OTOG: variants seen among roughly 807,000 people sequenced by gnomAD.
OTOG encodes otogelin.
A neutral mutation model predicts 313.8 loss-of-function variants in OTOG; 296 were observed. The ratio of observed to expected loss-of-function variants is 0.94; its 90% CI spans 0.86 to 1.04. The LOEUF is 1.04. Ranked by LOEUF, OTOG falls within the 50% of genes least tolerant of loss-of-function variation. OTOG has a pLI of 0.00. For synonymous variants in OTOG, 1,533 were observed against 1,554.9 expected, an observed-to-expected ratio of 0.99 and a Z score of 0.33; for missense variants, 3,948 against 3,840.1, an observed-to-expected ratio of 1.03 and a Z score of -0.74.
At chr11:17,645,533 C>G in intron 54 of OTOG, 31 bp from the exon 55 acceptor site, 1 of 1,546,532 alleles carries the variant, frequency 6.5e-7, no homozygotes, top group Non-Finnish European at 8.7e-7. Context: ...CTGGTCTTGG[C>G]CACAGCTGCC....
At chr11:17,608,174 C>A in intron 33 of OTOG, 122 bp from the exon 34 acceptor site, 1 of 641,160 alleles carries the variant, frequency 1.6e-6, no homozygotes, top group East Asian at 3.2e-5. Context: ...GGTTTTTTCC[C>A]CATTTGCTTT....
intron 23 of OTOG, among the ~76,000 whole-genome samples, chr11:17,582,727 T>C (rs1029253406): frequency 1.3e-5 from 2 of 152,250 alleles, no homozygotes; most frequent in African/African-American, 4.8e-5. Flanking sequence ...GAGTAATTTT[T>C]CATATACTTA....
intron 32 of OTOG, among the ~76,000 whole-genome samples, chr11:17,604,316 C>T (rs903470502): frequency 6.6e-6 from 1 of 152,204 alleles, no homozygotes; most frequent in Non-Finnish European, 1.5e-5. Context: ...CCGGGCCAAC[C>T]CCGCCTTCTT....
chr11:17,578,144 C>T (rs758014016), intron 22 of OTOG: 10 of 786,462 alleles, frequency 1.3e-5, no homozygotes, highest in Admixed American at 4.1e-5. Flanking sequence ...GTATGGAGGA[C>T]GTGCAGAGAT....
At chr11:17,547,623 C>A in intron 1 of OTOG, 157 bp downstream of exon 1, 1 of 1,241,432 alleles carries the variant, frequency 8.1e-7, no homozygotes. Context: ...GGAGGAGGGA[C>A]CCCGAAGCCA....
intron 40 of OTOG, among the ~76,000 whole-genome samples, chr11:17,629,826 G>T (rs1179569791): frequency 6.6e-6 from 1 of 152,180 alleles, no homozygotes; most frequent in Admixed American, 6.5e-5. Context: ...TGCCCTAAAA[G>T]ATTGAATGTA....
intron 21 of OTOG, 21 bp from the exon 22 acceptor site, chr11:17,576,847 A>G (rs965920495): frequency 7.1e-6 from 11 of 1,550,010 alleles, no homozygotes; most frequent in African/African-American, 1.4e-5. Context: ...GGCTAACCCC[A>G]GGGCCCGTCT....
intron 5 of OTOG, 60 bp from the exon 6 acceptor site, chr11:17,553,298 AACCCACC>A: frequency 6.6e-7 from 1 of 1,509,154 alleles, no homozygotes; most frequent in Admixed American, 2.1e-5. Flanking sequence ...CCAGGGCTGG[AACCCACC>A]AGCCTCTGGC....
intron 17 of OTOG, among the ~76,000 whole-genome samples, chr11:17,571,393 G>GC (rs1020993776): frequency 6.6e-6 from 1 of 152,060 alleles, no homozygotes; most frequent in South Asian, 2.1e-4. Context: ...GGCAGAACCT[G>GC]CCCCCCAGAG....
At position 17,580,063 on chromosome 11, in the gene OTOG, G is replaced by A. The variant is rs79321530; in HGVS notation, c.2759+1537G>A. Among the ~76,000 whole-genome samples the A allele has an allele frequency of 4.6e-3, 704 of 152,320 alleles. 7 individuals carry two copies. Among genetic ancestry groups the A allele is most frequent in the African/African-American group, 0.016 (669 of 41,578 alleles). On this transcript the variant is annotated intron_variant, in intron 23 of 55. Coordinates refer to ENST00000399397, the MANE Select transcript of OTOG (RefSeq NM_001292063.2). ...TGCCCAACCATCCTTAACAACCCCT[G>A]CCTAGGACCCTTGGGACCCATGATC...
intron 39 of OTOG, among the ~76,000 whole-genome samples, chr11:17,617,023 T>G (rs1215705486): frequency 6.6e-6 from 1 of 152,228 alleles, no homozygotes; most frequent in African/African-American, 2.4e-5. Flanking sequence ...TAAGAACATT[T>G]TCTTTTATTC....
chr11:17,639,070 A>G, intron 48 of OTOG: 1 of 337,676 alleles, frequency 3.0e-6, no homozygotes, highest in Non-Finnish European at 5.5e-6. Flanking sequence ...AATAAAATAA[A>G]ATAAATAAAA....
At chr11:17,594,288 C>T (rs1853035079) in intron 28 of OTOG, 122 bp downstream of exon 28, 2 of 1,242,476 alleles carry the variant, frequency 1.6e-6, no homozygotes, top group Non-Finnish European at 2.2e-6. Context: ...AATGTTCTCT[C>T]AGCCTCTGAC....
rs1412839178 is a variant in OTOG, at chr11:17,602,252, G to A, written c.3752G>A (p.Gly1251Asp). ...TATCAGCTATCCAGCTTGGCAGCCGGTGGTGCTCTGGTGGGCATGAAGGCG... is the reference window on the plus strand; with the variant it reads ...TATCAGCTATCCAGCTTGGCAGCCGATGGTGCTCTGGTGGGCATGAAGGCG... ...GPYQLSSLAA[G>D]GALVGMKAVG... The change falls in exon 32 of 56, where the codon GGT becomes GAT. Residue 1251 changes from glycine (G) to aspartate (D), a missense_variant. Physicochemically the swap from Gly to Asp is moderately conservative, Grantham distance 94. Transcript: ENST00000399397. 6 of 1,550,496 alleles carry A rather than the reference G, an allele frequency of 3.9e-6. No homozygotes were observed. The highest frequency in any genetic ancestry group is 2.0e-5 in the Admixed American group (1 of 50,992).
chr11:17,578,122 TG>T, intron 22 of OTOG: 2 of 518,672 alleles, frequency 3.9e-6, no homozygotes, highest in Non-Finnish European at 5.7e-6. Context: ...GGGAAGCACC[TG>T]GAGTAGTCTG....
rs56402246 is a variant in OTOG at position 17,548,418 on chromosome 11, C to CTTTTTTT, written c.216+238_216+244dup. 3.3e-4 allele frequency among the ~76,000 whole-genome samples: 29 copies of CTTTTTTT among 87,624 alleles called. 4 individuals are homozygous for CTTTTTTT. Among genetic ancestry groups the CTTTTTTT allele is most frequent in the East Asian group, 1.2e-3 (4 of 3,406 alleles). The allele number at this position is 87,624 out of a possible 152,430, so 57.5% of individuals were successfully genotyped here. A position where few individuals can be genotyped will look rare whatever the true frequency, so the allele number is the denominator to read the frequency against. On this transcript the variant is annotated intron_variant, in intron 3 of 55. Coordinates refer to ENST00000399397, the MANE Select transcript of OTOG (RefSeq NM_001292063.2). ...ATCTCTTGGGGGTCTATAGTCCACT[C>CTTTTTTT]TTTTTTTTTTTTTTTTTTTTTTTTT...
In OTOG at chr11:17,634,875, C is replaced by T; in HGVS notation, c.7512C>T (p.Ala2504=). 3.9e-6 allele frequency: 6 copies of T among 1,549,578 alleles called. No individual in the cohort carries two copies. Among genetic ancestry groups the T allele is most frequent in the Admixed American group, 2.0e-5 (1 of 50,978 alleles). The change falls in exon 45 of 56, where the codon GCC becomes GCT. Residue 2504 remains alanine (A), a synonymous_variant. Coordinates refer to ENST00000399397, the MANE Select transcript of OTOG (RefSeq NM_001292063.2). ...ACCAGACTCTGTGTGAGGGTCTCGC[C>T]CCCACATGCCGCCCAGGCCACCGCC... ...VCNQTLCEGL[A]PTCRPGHRLL...
intron 8 of OTOG, 58 bp downstream of exon 8, chr11:17,557,381 G>T: frequency 2.0e-6 from 3 of 1,505,972 alleles, no homozygotes; most frequent in African/African-American, 1.4e-5. Flanking sequence ...GACAGGTCAG[G>T]CTGGGAGGGG....
In OTOG at chr11:17,558,569, G is replaced by A. The variant is rs895292129; in HGVS notation, c.1028G>A (p.Arg343Gln). Residue 343 changes from arginine (R) to glutamine (Q), a missense_variant, in exon 10 of 56, where the codon CGG (arginine) becomes CAG (glutamine). Arg to Gln is a conservative substitution (Grantham distance 43). Coordinates refer to ENST00000399397, the MANE Select transcript of OTOG (RefSeq NM_001292063.2). ...TACGAGCAGTGTGAGGCTCTACTGC[G>A]GCCCCCCTTTGACGCCTGCCACGCC... ...GVYEQCEALL[R>Q]PPFDACHAYV... is the part of the protein sequence containing the mutation. 18 of 1,550,352 alleles carry A rather than the reference G, an allele frequency of 1.2e-5. No homozygotes were observed. Among genetic ancestry groups the A allele is most frequent in the Admixed American group, 7.8e-5 (4 of 50,988 alleles).
Sources: gnomAD v4.1 joint callset for allele counts (sites outside exome capture counted in the v4.1 genomes callset) on GRCh38, gnomAD v4.1.1 for gene constraint, MANE v1.5 for transcripts, NCBI Gene and HGNC (gene_info 2026-07-23, HGNC 2026-07-21) for gene names.